The following TRRAP variants were observed in gnomAD, a reference collection of about 807,000 sequenced individuals.
The protein encoded by TRRAP is transformation/transcription domain associated protein.
Under a neutral mutation model 438.8 loss-of-function variants are expected in TRRAP, and 41 were observed. The observed-to-expected ratio is 0.09, with a 90% CI of 0.07 to 0.12. The LOEUF is 0.12. Among genes scored for constraint, TRRAP ranks in the 10% least tolerant of loss-of-function variants. The probability of loss-of-function intolerance (pLI) is 1.00; values close to 1 mark genes in which losing one functional copy is unlikely to be tolerated. For missense variants in TRRAP, 3,122 were observed against 5,055.1 expected (o/e 0.62, Z 11.60); for synonymous variants, 1,994 against 1,962.9 (o/e 1.02, Z -0.42).
In TRRAP at chr7:98,906,456, C is replaced by T. The variant is rs144204124; in HGVS notation, c.1115+201C>T. Reference sequence around the variant, plus strand: ...TTTATTTATTTATTTATTTTGAGGCCGAGTCTCACTCTGTCACCCGGGCTG... The same window carrying T: ...TTTATTTATTTATTTATTTTGAGGCTGAGTCTCACTCTGTCACCCGGGCTG... On this transcript the variant is annotated intron_variant, in intron 13 of 72. Coordinates refer to ENST00000456197, the MANE Select transcript of TRRAP (RefSeq NM_001375524.1). 9.4e-3 allele frequency among the ~76,000 whole-genome samples: 1,377 copies of T among 146,668 alleles called. 81 individuals are homozygous for T. Among genetic ancestry groups the T allele is most frequent in the Admixed American group, 0.074 (1,096 of 14,772 alleles).
intron 23 of TRRAP, among the ~76,000 whole-genome samples, chr7:98,929,171 A>AC (rs1322334789): frequency 6.6e-6 from 1 of 151,600 alleles, no homozygotes; most frequent in Non-Finnish European, 1.5e-5. Context: ...CATACTCCTG[A>AC]CCTCATGATC....
intron 68 of TRRAP, 139 bp downstream of exon 68, chr7:99,004,554 A>G: frequency 2.6e-6 from 2 of 780,720 alleles, no homozygotes; most frequent in Non-Finnish European, 4.0e-6. Flanking sequence ...TGATTCTGGA[A>G]TGTAAGTGGT....
rs149229740 is a variant in TRRAP at position 99,011,171 on chromosome 7, C to G, written c.11058C>G (p.Phe3686Leu). Reference protein sequence around the residue: ...ATDYWTFRKMFTIQLALIGFA... With the variant: ...ATDYWTFRKMLTIQLALIGFA... ...ACTACTGGACGTTCCGGAAGATGTTCACCATCCAGCTGGCTCTGATAGGCT... is the reference window on the plus strand; with the variant it reads ...ACTACTGGACGTTCCGGAAGATGTTGACCATCCAGCTGGCTCTGATAGGCT... Residue 3686 changes from phenylalanine (F) to leucine (L), a missense_variant, in exon 71 of 73, where the codon TTC becomes TTG. By Grantham distance (22) the Phe-to-Leu change is conservative. This residue lies in a region of TRRAP where 192 missense variants were observed against 355.6 expected (regional missense o/e 0.54). Coordinates refer to ENST00000456197, the MANE Select transcript of TRRAP (RefSeq NM_001375524.1). This position sits in a 1 kb window ranked among gnomAD's most constrained non-coding sequence, Gnocchi z 7.1. 26 of 1,614,054 alleles carry G rather than the reference C, an allele frequency of 1.6e-5. No individual in the cohort carries two copies. The East Asian group carries it at 4.9e-4, about 30-fold the overall frequency.
rs995660618 is a variant in TRRAP, at chr7:98,966,892, T to C, written c.7177-149T>C. 8.3e-6 allele frequency: 6 copies of C among 723,958 alleles called. No individual in the cohort carries two copies. The African/African-American group carries it at 1.1e-4, about 13-fold the overall frequency. The allele number at this position is 723,958 out of a possible 1,614,324, so 44.8% of individuals were successfully genotyped here. On this transcript the variant is annotated intron_variant, in intron 49 of 72. Coordinates refer to ENST00000456197, the MANE Select transcript of TRRAP (RefSeq NM_001375524.1). Reference sequence around the variant, plus strand: ...GAAAATTACATTGGCATGTCTTGATTTTAAGCATCCAAAGATAAAGCCATC... The same window carrying C: ...GAAAATTACATTGGCATGTCTTGATCTTAAGCATCCAAAGATAAAGCCATC...
rs1258112046 is a variant in TRRAP at position 98,899,764 on chromosome 7, C to T, written c.797C>T (p.Ala266Val). ...NTIAIQVSAQ[A>V]RQHKLYNKEL... ...ATTGCCATTCAGGTGTCTGCACAAGCGAGGTGAGGCGTCACTGTAGCCGGC... is the reference window on the plus strand; with the variant it reads ...ATTGCCATTCAGGTGTCTGCACAAGTGAGGTGAGGCGTCACTGTAGCCGGC... Residue 266 changes from alanine (A) to valine (V), a missense_variant, in exon 10 of 73, where the codon GCG becomes GTG. Around this residue, in one of 24 missense-constraint regions of TRRAP, gnomAD observed 343 missense variants for 564.0 expected, o/e 0.61. Coordinates refer to ENST00000456197, the MANE Select transcript of TRRAP (RefSeq NM_001375524.1). The T allele has an allele frequency of 1.4e-5, 23 of 1,613,854 alleles. No individual in the cohort carries two copies. The highest frequency in any genetic ancestry group is 2.2e-5 in the South Asian group (2 of 91,080).
At chr7:98,955,336 C>A (rs782004668) in intron 41 of TRRAP, 32 bp downstream of exon 41, 1 of 1,575,060 alleles carries the variant, frequency 6.3e-7, no homozygotes, top group Non-Finnish European at 8.7e-7. Context: ...CTGCGGGGCG[C>A]GCGTCTTCAG....
chr7:98,993,668 C>G lies in TRRAP; in HGVS notation c.9978C>G (p.Pro3326=). Residue 3326 remains proline, a synonymous_variant, in exon 66 of 73, where the codon CCC becomes CCG. Transcript: ENST00000456197. ...RIMHMQRELH[P]TLLSSLEGIV... is the part of the protein sequence containing the mutation. Reference sequence around the variant, plus strand: ...TGCACATGCAGCGAGAGCTCCACCCCACCCTTCTGTCTTCCCTGGAAGGCA... The same window carrying G: ...TGCACATGCAGCGAGAGCTCCACCCGACCCTTCTGTCTTCCCTGGAAGGCA... 6.2e-7 allele frequency: 1 copy of G among 1,614,240 alleles called. No homozygotes were observed. The highest frequency in any genetic ancestry group is 8.5e-7 in the Non-Finnish European group (1 of 1,180,036).
chr7:98,984,317 C>T lies in TRRAP; in HGVS notation c.9247C>T (p.Leu3083Phe). 1 of 1,601,854 alleles carries T rather than the reference C, an allele frequency of 6.2e-7. No homozygotes were observed. Among genetic ancestry groups the T allele is most frequent in the Non-Finnish European group, 8.5e-7 (1 of 1,172,812 alleles). Residue 3083 changes from leucine (L) to phenylalanine (F), a missense_variant, in exon 61 of 73, where the codon CTC (leucine) becomes TTC (phenylalanine). By Grantham distance (22) the Leu-to-Phe change is conservative. Coordinates refer to ENST00000456197, the MANE Select transcript of TRRAP (RefSeq NM_001375524.1). ...QKIRQQVKCY[L>F]QLAGVMGKNE... ...GATTCGACAGCAAGTTAAATGCTAC[C>T]TCCAGCTGGCAGGCGTCATGGGCAA...
chr7:98,994,943 T>C lies in TRRAP; in HGVS notation c.10309+95T>C. 1 of 1,518,454 alleles carries C rather than the reference T, an allele frequency of 6.6e-7. No individual in the cohort carries two copies. The allele number at this position is 1,518,454 out of a possible 1,614,324, so 94.1% of individuals were successfully genotyped here. A position where few individuals can be genotyped will look rare whatever the true frequency, so the allele number is the denominator to read the frequency against. On this transcript the variant is annotated intron_variant, in intron 67 of 72. Coordinates refer to ENST00000456197, the MANE Select transcript of TRRAP (RefSeq NM_001375524.1). This position sits in a 1 kb window ranked among gnomAD's most constrained non-coding sequence, Gnocchi z 4.8. Reference sequence around the variant, plus strand: ...GAAGCTGATTGGATCCTTGGTTTTCTGATCACTGCACGGGGCACACTGGTT... The same window carrying C: ...GAAGCTGATTGGATCCTTGGTTTTCCGATCACTGCACGGGGCACACTGGTT...
rs902112976 is a variant in TRRAP, at chr7:99,012,519, T to C, written c.*164T>C. The stretch of plus-strand genomic sequence containing the variant: ...GTTTGCGTGTAAGAAAGGGAGAATA[T>C]AGTTTTAGAGGAAGCTGAACTATGA... On this transcript the variant is annotated 3_prime_UTR_variant, in exon 73 of 73. Coordinates refer to ENST00000456197, the MANE Select transcript of TRRAP (RefSeq NM_001375524.1). The surrounding 1 kb of genome is among the most constrained non-coding windows in gnomAD (Gnocchi z 5.9). 4.6e-6 allele frequency: 4 copies of C among 876,928 alleles called. No homozygotes were observed. In the South Asian group the frequency reaches 7.4e-5, roughly 16 times the overall value. 54.3% of individuals were successfully genotyped at this position (876,928 alleles called of 1,614,324 possible). A position where few individuals can be genotyped will look rare whatever the true frequency, so the allele number is the denominator to read the frequency against.
rs746931138 is a variant in TRRAP at position 98,984,178 on chromosome 7, G to T, written c.9108G>T (p.Ala3036=). The T allele has an allele frequency of 1.2e-6, 2 of 1,614,094 alleles. No individual in the cohort carries two copies. Among genetic ancestry groups the T allele is most frequent in the Non-Finnish European group, 1.7e-6 (2 of 1,179,990 alleles). The change falls in exon 61 of 73, where the codon GCG becomes GCT. Residue 3036 remains alanine (A), a synonymous_variant. Transcript: ENST00000456197. ...AMLGVHASAS[A]IIQYGKIARK... is the part of the protein sequence containing the mutation. ...TTGGGGTTCATGCATCAGCTTCAGC[G>T]ATCATCCAGTATGGAAAAATCGCCC...
Position 99,012,672 on chromosome 7 carries a change from C to T in TRRAP, c.*317C>T. On this transcript the variant is annotated 3_prime_UTR_variant, in exon 73 of 73. Coordinates refer to ENST00000456197, the MANE Select transcript of TRRAP (RefSeq NM_001375524.1). The surrounding 1 kb of genome is among the most constrained non-coding windows in gnomAD (Gnocchi z 5.9). ...GTGAGTCCTTTTTTTATGGTGTCCTCCCTCTGTGAATGTACAGGCGGAACT... is the reference window on the plus strand; with the variant it reads ...GTGAGTCCTTTTTTTATGGTGTCCTTCCTCTGTGAATGTACAGGCGGAACT... 1 of 387,980 alleles carries T rather than the reference C, an allele frequency of 2.6e-6. No homozygotes were observed. Among genetic ancestry groups the T allele is most frequent in the Non-Finnish European group, 4.7e-6 (1 of 213,774 alleles). 24.0% of individuals were successfully genotyped at this position (387,980 alleles called of 1,614,324 possible). A position where few individuals can be genotyped will look rare whatever the true frequency, so the allele number is the denominator to read the frequency against.
In TRRAP at chr7:98,962,412, C is replaced by A; in HGVS notation, c.6814C>A (p.Pro2272Thr). Reference sequence around the variant, plus strand: ...CTACGAGAAGGCCACCAATGCCAATCCCTCCCAGCTCTTCGGTGAGTGTGT... The same window carrying A: ...CTACGAGAAGGCCACCAATGCCAATACCTCCCAGCTCTTCGGTGAGTGTGT... ...TNYEKATNAN[P>T]SQLFGTLMIL... Residue 2272 changes from proline to threonine, a missense_variant, in exon 47 of 73, where the codon CCC becomes ACC. By Grantham distance (38) the Pro-to-Thr change is conservative. Coordinates refer to ENST00000456197, the MANE Select transcript of TRRAP (RefSeq NM_001375524.1). 6.2e-7 allele frequency: 1 copy of A among 1,614,246 alleles called. No individual in the cohort carries two copies. Among genetic ancestry groups the A allele is most frequent in the Non-Finnish European group, 8.5e-7 (1 of 1,180,048 alleles).
At chr7:98,939,878 G>GTTTATT (rs1199706570) in intron 30 of TRRAP, among the ~76,000 whole-genome samples, 32 of 152,034 alleles carry the variant, frequency 2.1e-4, no homozygotes, top group African/African-American at 6.3e-4. Context: ...TGGTTTGTTT[G>GTTTATT]TTTATTTTTA....
chr7:98,955,475 T>A (rs1791556360), intron 41 of TRRAP, among the ~76,000 whole-genome samples, 171 bp downstream of exon 41: 1 of 152,246 alleles, frequency 6.6e-6, no homozygotes, highest in African/African-American at 2.4e-5. Flanking sequence ...GCATGGAAAT[T>A]GCTGTAATAT....
chr7:98,882,171 A>C, intron 3 of TRRAP, 147 bp downstream of exon 3: 1 of 712,294 alleles, frequency 1.4e-6, no homozygotes, highest in East Asian at 2.9e-5. Flanking sequence ...TGAAATCTGA[A>C]ACTTTGTACA....
chr7:98,895,754 C>CT lies in TRRAP; in HGVS notation c.451-3dup. On this transcript the variant is annotated splice_polypyrimidine_tract_variant and intron_variant, in intron 6 of 72. Transcript: ENST00000456197. The stretch of plus-strand genomic sequence containing the variant: ...TATCTTCCTATAACGAAAGTGTCTG[C>CT]TTTTTTTAGATTCATCATTTTCTGG... The CT allele has an allele frequency of 1.9e-6, 3 of 1,596,800 alleles. No homozygotes were observed. Among genetic ancestry groups the CT allele is most frequent in the Non-Finnish European group, 8.5e-7 (1 of 1,172,216 alleles).
chr7:98,978,365 AGGG>A (rs1281208441), intron 57 of TRRAP, 42 bp downstream of exon 57: 1 of 1,523,598 alleles, frequency 6.6e-7, no homozygotes, highest in Admixed American at 1.9e-5. Flanking sequence ...GAATCAGTTA[AGGG>A]AACCAGGGAA....
intron 67 of TRRAP, among the ~76,000 whole-genome samples, chr7:99,003,794 T>C (rs1794042074): frequency 6.6e-6 from 1 of 152,234 alleles, no homozygotes; most frequent in Admixed American, 6.5e-5. Flanking sequence ...CTGGGCATAG[T>C]GGTTCACGCC....
Sources: gnomAD v4.1 joint callset for allele counts (sites outside exome capture counted in the v4.1 genomes callset) on GRCh38, gnomAD v4.1.1 for gene constraint, gnomAD v4.1.1 regional missense constraint, Gnocchi (gnomAD v3.1) non-coding constraint, MANE v1.5 for transcripts, NCBI Gene and HGNC (gene_info 2026-07-23, HGNC 2026-07-21) for gene names.